Variants in FANK1 observed in about 807,000 individuals in gnomAD.
The protein encoded by FANK1 is fibronectin type 3 and ankyrin repeat domains protein 1.
FANK1 carries 44 observed loss-of-function variants against 45.3 expected under a neutral mutation model. The ratio of observed to expected loss-of-function variants is 0.97; its 90% CI spans 0.76 to 1.25. The LOEUF (loss-of-function observed/expected upper bound fraction) is 1.25. FANK1 is among the 50% of genes most tolerant of loss of function. FANK1 has a pLI of 0.00. For missense variants in FANK1, 391 were observed against 424.4 expected (o/e 0.92, Z 0.69); for synonymous variants, 149 against 152.5 (o/e 0.98, Z 0.17).
At chr10:125,913,663 G>T (rs2134118494) in intron 1 of FANK1, among the ~76,000 whole-genome samples, 1 of 152,328 alleles carries the variant, frequency 6.6e-6, no homozygotes, top group South Asian at 2.1e-4. Flanking sequence ...AGGCAAGGCA[G>T]CATGGATGGG....
chr10:125,989,199 G>C, intron 3 of FANK1: 1 of 1,300,194 alleles, frequency 7.7e-7, no homozygotes, highest in Non-Finnish European at 1.1e-6. Flanking sequence ...GGAGACCTCT[G>C]AGCCCTTCAG....
At chr10:125,913,592 TTGA>T (rs1946206961) in intron 1 of FANK1, among the ~76,000 whole-genome samples, 1 of 152,190 alleles carries the variant, frequency 6.6e-6, no homozygotes, top group African/African-American at 2.4e-5. Flanking sequence ...TATGTTAACT[TTGA>T]GTTAATTTTA....
chr10:125,993,959 T>G (rs142989169), intron 3 of FANK1, among the ~76,000 whole-genome samples: 31 of 152,306 alleles, frequency 2.0e-4, no homozygotes, highest in Non-Finnish European at 2.5e-4. Flanking sequence ...TTTTCCCAGT[T>G]TGTACATTGC....
chr10:125,987,544 CA>C (rs1363470744), intron 2 of FANK1, among the ~76,000 whole-genome samples: 49 of 152,098 alleles, frequency 3.2e-4, no homozygotes, highest in Admixed American at 1.8e-3. Context: ...CACACACACA[CA>C]CACCCTCTCA....
intron 1 of FANK1, among the ~76,000 whole-genome samples, chr10:125,965,984 A>C (rs1356187507): frequency 6.6e-6 from 1 of 152,174 alleles, no homozygotes; most frequent in Non-Finnish European, 1.5e-5. Context: ...TGTTTGCAGT[A>C]AATCTGAGAG....
At chr10:125,899,801 C>A (rs566330760) in intron 1 of FANK1, among the ~76,000 whole-genome samples, 1 of 152,182 alleles carries the variant, frequency 6.6e-6, no homozygotes, top group South Asian at 2.1e-4. Context: ...TATTTTAAAC[C>A]CTGTTCCTTT....
At chr10:126,008,600 A>C in intron 8 of FANK1, 50 bp downstream of exon 8, 13 of 1,556,732 alleles carry the variant, frequency 8.4e-6, no homozygotes, top group Non-Finnish European at 1.0e-5. Context: ...AATTAATGTC[A>C]GAGCTTTTTC....
chr10:125,995,519 G>T, intron 4 of FANK1, 21 bp downstream of exon 4: 1 of 1,610,298 alleles, frequency 6.2e-7, no homozygotes, highest in Non-Finnish European at 8.5e-7. Context: ...TCTGTCAGTT[G>T]TTTTTTTTCC....
intron 1 of FANK1, among the ~76,000 whole-genome samples, chr10:125,959,413 CAAAAAAAAAAAA>C (rs767754151): frequency 1.3e-5 from 1 of 74,712 alleles, no homozygotes; most frequent in Non-Finnish European, 2.4e-5. Context: ...GACTCTGTCT[CAAAAAAAAAAAA>C]AAAAAAAAGA....
At chr10:125,958,623 C>A (rs568891042) in intron 1 of FANK1, among the ~76,000 whole-genome samples, 18 of 152,234 alleles carry the variant, frequency 1.2e-4, no homozygotes, top group African/African-American at 4.1e-4. Context: ...TTAAGAGTTC[C>A]CTTTTCTCTA....
chr10:125,923,559 A>G (rs1947101390), intron 1 of FANK1, among the ~76,000 whole-genome samples: 1 of 151,774 alleles, frequency 6.6e-6, no homozygotes, highest in Non-Finnish European at 1.5e-5. Context: ...ACAGGGTCTC[A>G]CTCTGTTGCC....
At position 125,940,257 on chromosome 10, in the gene FANK1, T is replaced by C. The variant is rs148945155; in HGVS notation, c.14-39904T>C. On this transcript the variant is annotated intron_variant, in intron 1 of 10. Transcript: ENST00000368693. Reference sequence around the variant, plus strand: ...CACCGGTCTCTGAGTTTCCTCAGTATTTATTGATTACTGTTTTCACTATCT... The same window carrying C: ...CACCGGTCTCTGAGTTTCCTCAGTACTTATTGATTACTGTTTTCACTATCT... Among the ~76,000 whole-genome samples, 58 of 152,264 alleles carry C rather than the reference T, an allele frequency of 3.8e-4. No homozygotes were observed. In the East Asian group the frequency reaches 8.1e-3, roughly 21 times the overall value.
chr10:125,949,724 A>G (rs1320821480), intron 1 of FANK1, among the ~76,000 whole-genome samples: 1 of 149,312 alleles, frequency 6.7e-6, no homozygotes, highest in African/African-American at 2.5e-5. Flanking sequence ...CATCCCCATC[A>G]AGCTACCAAT....
In FANK1 at chr10:125,995,498, G is replaced by A; in HGVS notation, c.398G>A (p.Gly133Asp). Residue 133 changes from glycine (G) to aspartate (D), a missense_variant and splice_region_variant, in exon 4 of 11, where the codon GGC becomes GAC. Transcript: ENST00000368693. ...EDLLVRILQG[G>D]RVKVDVPNKF... ...TTGCTGGTCCGAATACTTCAAGGAG[G>A]GTGAGAGAACTCTGTCAGTTGTTTT... 6.2e-7 allele frequency: 1 copy of A among 1,614,036 alleles called. No homozygotes were observed. Among genetic ancestry groups the A allele is most frequent in the Non-Finnish European group, 8.5e-7 (1 of 1,179,944 alleles).
Position 125,922,724 on chromosome 10 carries a change from A to G in FANK1, c.13+26069A>G, listed in dbSNP as rs1201457974. ...AAGACAGGATTTTGCCTTGTTGCCC[A>G]GGCTGGTCTCAAACTCCTGAGCTCA... is the stretch of plus-strand genomic sequence containing the variant. On this transcript the variant is annotated intron_variant, in intron 1 of 10. Coordinates refer to ENST00000368693, the MANE Select transcript of FANK1 (RefSeq NM_145235.5). Among the ~76,000 whole-genome samples the G allele has an allele frequency of 3.9e-5, 6 of 152,306 alleles. No individual in the cohort carries two copies. In the East Asian group the frequency reaches 1.2e-3, roughly 29 times the overall value.
chr10:125,956,932 T>G (rs968228417), intron 1 of FANK1, among the ~76,000 whole-genome samples: 1 of 152,120 alleles, frequency 6.6e-6, no homozygotes, highest in Non-Finnish European at 1.5e-5. Context: ...CACTGCAACC[T>G]CCCCATCACC....
chr10:125,910,335 A>G (rs1444405814), intron 1 of FANK1, among the ~76,000 whole-genome samples: 1 of 152,142 alleles, frequency 6.6e-6, no homozygotes, highest in Non-Finnish European at 1.5e-5. Flanking sequence ...CTCTTTCTAG[A>G]ATTTATTATT....
At position 125,945,910 on chromosome 10, in the gene FANK1, C is replaced by G. The variant is rs545840265; in HGVS notation, c.14-34251C>G. 1.7e-3 allele frequency among the ~76,000 whole-genome samples: 264 copies of G among 152,182 alleles called. 1 individual carries two copies. The highest frequency in any genetic ancestry group is 3.7e-3 in the South Asian group (18 of 4,824). On this transcript the variant is annotated intron_variant, in intron 1 of 10. Coordinates refer to ENST00000368693, the MANE Select transcript of FANK1 (RefSeq NM_145235.5). ...AGCACGCAGCTGGAGATCTGAGAAC[C>G]GGCAGACTGCCTCCTCAAGTGGGTC...
At chr10:125,990,270 A>G (rs1288016630) in intron 3 of FANK1, among the ~76,000 whole-genome samples, 4 of 152,172 alleles carry the variant, frequency 2.6e-5, no homozygotes, top group African/African-American at 9.7e-5. Context: ...TCCTTAATAA[A>G]TAAGTCAGTG....
Sources: gnomAD v4.1 joint callset for allele counts (sites outside exome capture counted in the v4.1 genomes callset) on GRCh38, gnomAD v4.1.1 for gene constraint, MANE v1.5 for transcripts, NCBI Gene and HGNC (gene_info 2026-07-23, HGNC 2026-07-21) for gene names.